The following SEMA6D variants were observed in gnomAD, a reference collection of about 807,000 sequenced individuals.
SEMA6D encodes semaphorin 6D.
SEMA6D carries 35 observed loss-of-function variants against 106.6 expected under a neutral mutation model. That is an observed-to-expected ratio of 0.33 (90% CI 0.25 to 0.44). The LOEUF is 0.44. Among genes scored for constraint, SEMA6D ranks in the 20% least tolerant of loss-of-function variants. SEMA6D has a pLI of 1.00. For missense variants in SEMA6D, 1,185 were observed against 1,345.9 expected (o/e 0.88, Z 1.87); for synonymous variants, 499 against 487.7 (o/e 1.02, Z -0.31).
At chr15:47,730,450 G>A (rs985617189) in intron 1 of SEMA6D, 11 of 1,387,606 alleles carry the variant, frequency 7.9e-6, no homozygotes, top group South Asian at 2.4e-5. Flanking sequence ...CAACCAGCTC[G>A]ATGGGATCCA....
intron 1 of SEMA6D, among the ~76,000 whole-genome samples, chr15:47,735,176 C>T (rs186158497): frequency 1.3e-4 from 20 of 152,322 alleles, no homozygotes; most frequent in Admixed American, 1.1e-3. Flanking sequence ...AAATATGTTG[C>T]CAGCCCTCTG....
chr15:47,561,728 C>A (rs2046087056), intron 3 of SEMA6D, among the ~76,000 whole-genome samples: 1 of 148,486 alleles, frequency 6.7e-6, no homozygotes, highest in Admixed American at 6.7e-5. Context: ...TTTTCAATTT[C>A]TTATTAATTT....
intron 7 of SEMA6D, 59 bp from the exon 8 acceptor site, chr15:47,762,141 A>G: frequency 6.2e-7 from 1 of 1,606,676 alleles, no homozygotes; most frequent in Non-Finnish European, 8.5e-7. Context: ...ACGCTGCCAA[A>G]GCTAACACAC....
At chr15:47,592,607 T>C (rs1225783389) in intron 3 of SEMA6D, among the ~76,000 whole-genome samples, 5 of 152,186 alleles carry the variant, frequency 3.3e-5, no homozygotes, top group Non-Finnish European at 1.5e-5. Flanking sequence ...ATAGAGTGTT[T>C]ACAACAAACC....
chr15:47,743,346 A>G (rs1042305931), intron 1 of SEMA6D, among the ~76,000 whole-genome samples: 1 of 152,156 alleles, frequency 6.6e-6, no homozygotes, highest in African/African-American at 2.4e-5. Flanking sequence ...GCAATTCACC[A>G]TCAGTGGGTA....
intron 3 of SEMA6D, among the ~76,000 whole-genome samples, chr15:47,569,155 G>C (rs1410037715): frequency 6.6e-6 from 1 of 152,100 alleles, no homozygotes; most frequent in Non-Finnish European, 1.5e-5. Flanking sequence ...ATATAGCTTG[G>C]TGGTAACTAT....
At chr15:47,666,893 G>T (rs921091031) in intron 4 of SEMA6D, among the ~76,000 whole-genome samples, 2 of 152,146 alleles carry the variant, frequency 1.3e-5, no homozygotes, top group Non-Finnish European at 2.9e-5. Context: ...TACCATGTAG[G>T]ATGTCCAACT....
chr15:47,728,876 G>A (rs1379455144), intron 1 of SEMA6D, among the ~76,000 whole-genome samples: 1 of 152,058 alleles, frequency 6.6e-6, no homozygotes, highest in East Asian at 1.9e-4. Flanking sequence ...ATCTTCAAAG[G>A]ACCCTTGTGG....
intron 1 of SEMA6D, among the ~76,000 whole-genome samples, chr15:47,277,941 C>A (rs1164008994): frequency 2.6e-5 from 4 of 151,854 alleles, no homozygotes; most frequent in Non-Finnish European, 5.9e-5. Flanking sequence ...AGGACATGAA[C>A]TCATCATTTT....
intron 1 of SEMA6D, among the ~76,000 whole-genome samples, chr15:47,256,083 G>A (rs62014031): frequency 0.021 from 3,123 of 152,234 alleles, 63 homozygotes; most frequent in African/African-American, 0.033. Flanking sequence ...ACAACATAAT[G>A]TCTTGATTAC....
intron 17 of SEMA6D, chr15:47,767,341 G>C (rs1027707952): frequency 8.9e-6 from 3 of 337,396 alleles, no homozygotes; most frequent in Non-Finnish European, 1.6e-5. Context: ...AACATAGACT[G>C]CATTCCAGCT....
chr15:47,546,288 C>A (rs2045519884), intron 3 of SEMA6D, among the ~76,000 whole-genome samples: 1 of 152,110 alleles, frequency 6.6e-6, no homozygotes, highest in South Asian at 2.1e-4. Flanking sequence ...CCCATTTTAT[C>A]CTTTGGGAAT....
intron 1 of SEMA6D, among the ~76,000 whole-genome samples, chr15:47,401,761 A>G (rs1355468383): frequency 6.6e-6 from 1 of 152,164 alleles, no homozygotes; most frequent in Non-Finnish European, 1.5e-5. Context: ...TACACGTCCT[A>G]TAAAAATTGC....
intron 2 of SEMA6D, among the ~76,000 whole-genome samples, chr15:47,418,081 A>C (rs1336192127): frequency 2.0e-5 from 3 of 152,252 alleles, no homozygotes; most frequent in African/African-American, 7.2e-5. Flanking sequence ...GGAGATATGA[A>C]ATGGTATATG....
At chr15:47,390,580 G>GTT (rs1263150473) in intron 1 of SEMA6D, among the ~76,000 whole-genome samples, 1 of 151,890 alleles carries the variant, frequency 6.6e-6, no homozygotes, top group Non-Finnish European at 1.5e-5. Flanking sequence ...TTTTTTGTTT[G>GTT]TTTGTTTTCA....
intron 1 of SEMA6D, among the ~76,000 whole-genome samples, chr15:47,385,807 T>A (rs547315584): frequency 6.6e-6 from 1 of 152,300 alleles, no homozygotes; most frequent in East Asian, 1.9e-4. Flanking sequence ...GCCTTCTGCT[T>A]CCAAGGAGTT....
intron 4 of SEMA6D, among the ~76,000 whole-genome samples, chr15:47,697,777 C>T (rs1473394413): frequency 2.6e-5 from 4 of 152,206 alleles, no homozygotes; most frequent in African/African-American, 9.7e-5. Context: ...AACCTGCGCC[C>T]CCACTTCCCC....
intron 1 of SEMA6D, among the ~76,000 whole-genome samples, chr15:47,323,680 G>A (rs1323367280): frequency 2.0e-5 from 3 of 152,122 alleles, no homozygotes; most frequent in Non-Finnish European, 2.9e-5. Context: ...TTTCACCAGG[G>A]ATCTGTCCTT....
intron 2 of SEMA6D, among the ~76,000 whole-genome samples, chr15:47,464,783 A>G (rs2042610902): frequency 6.6e-6 from 1 of 152,118 alleles, no homozygotes; most frequent in East Asian, 1.9e-4. Context: ...ACCATATGTT[A>G]ATATATGAGT....
Sources: gnomAD v4.1 joint callset for allele counts (sites outside exome capture counted in the v4.1 genomes callset) on GRCh38, gnomAD v4.1.1 for gene constraint, MANE v1.5 for transcripts, NCBI Gene and HGNC (gene_info 2026-07-23, HGNC 2026-07-21) for gene names.